The following DCAF4 variants were observed in gnomAD, a reference collection of about 807,000 sequenced individuals.
DCAF4 encodes DDB1 and CUL4 associated factor 4, also known as DDB1- and CUL4-associated factor 4.
A neutral mutation model predicts 60.9 loss-of-function variants in DCAF4; 37 were observed. The observed-to-expected ratio is 0.61, with a 90% CI of 0.47 to 0.80. DCAF4 has a LOEUF of 0.80. DCAF4 is among the 30% of genes least tolerant of loss of function. DCAF4 has a pLI of 0.00. For missense variants in DCAF4, 577 were observed against 650.0 expected (o/e 0.89, Z 1.22); for synonymous variants, 243 against 254.8 (o/e 0.95, Z 0.44).
intron 4 of DCAF4, among the ~76,000 whole-genome samples, chr14:72,940,970 T>TA (rs1555524492): frequency 4.7e-5 from 1 of 21,224 alleles, no homozygotes; most frequent in East Asian, 3.2e-3. Context: ...AACTGTTTTT[T>TA]GGGGTTTTTT....
intron 2 of DCAF4, 29 bp from the exon 3 acceptor site, chr14:72,939,773 T>G: frequency 1.9e-6 from 3 of 1,585,824 alleles, no homozygotes; most frequent in Non-Finnish European, 2.6e-6. Context: ...AGTCCTGGGC[T>G]GCAAGTTAAC....
rs1888314884 is a variant in DCAF4 at position 72,929,941 on chromosome 14, C to A, written c.-9+3398C>A. 21 of 985,610 alleles carry A rather than the reference C, an allele frequency of 2.1e-5. No homozygotes were observed. In the South Asian group the frequency reaches 2.7e-4, roughly 13 times the overall value. The allele number at this position is 985,610 out of a possible 1,614,324, so 61.1% of individuals were successfully genotyped here. ...GTAGCGCAGAGCCATGGCTGCTGCT[C>A]TCCATGGCGGCCGTGGCGGAAGGCC... On this transcript the variant is annotated intron_variant, in intron 1 of 13. Transcript: ENST00000358377.
At chr14:72,940,878 A>G (rs1889958011) in intron 4 of DCAF4, among the ~76,000 whole-genome samples, 1 of 152,008 alleles carries the variant, frequency 6.6e-6, no homozygotes, top group South Asian at 2.1e-4. Flanking sequence ...GGCGTGAGCC[A>G]CCACACCCAG....
At chr14:72,929,552 T>C in intron 1 of DCAF4, 1 of 844,542 alleles carries the variant, frequency 1.2e-6, no homozygotes, top group Non-Finnish European at 1.9e-6. Context: ...TATTTTTTAT[T>C]TTTATTTTAT....
chr14:72,943,246 C>T, intron 6 of DCAF4, 150 bp downstream of exon 6: 1 of 700,982 alleles, frequency 1.4e-6, no homozygotes, highest in Admixed American at 2.8e-5. Flanking sequence ...TTTTAACCTG[C>T]CTGCTGGCTA....
chr14:72,937,720 A>T (rs1014159404), intron 1 of DCAF4, among the ~76,000 whole-genome samples: 2 of 151,860 alleles, frequency 1.3e-5, no homozygotes, highest in African/African-American at 4.8e-5. Context: ...CGCCTGGCCG[A>T]CCTGGCAACG....
chr14:72,943,119 C>T (rs779252697), intron 6 of DCAF4, 23 bp downstream of exon 6: 59 of 1,604,192 alleles, frequency 3.7e-5, no homozygotes, highest in Non-Finnish European at 5.0e-5. Context: ...GGGACACCTG[C>T]CTAGGGTGTG....
At position 72,928,318 on chromosome 14, in the gene DCAF4, CGAGTAGCTGA is replaced by C. The variant is rs1416046635; in HGVS notation, c.-9+1778_-9+1787del. 8.6e-5 allele frequency among the ~76,000 whole-genome samples: 13 copies of C among 151,270 alleles called. No individual in the cohort carries two copies. The East Asian group carries it at 2.5e-3, about 29-fold the overall frequency. ...AAGGGATTCTCCTGCTTCAGCCTCC[CGAGTAGCTGA>C]GACTACGGGCGCACGCCACCGCGCC... On this transcript the variant is annotated intron_variant, in intron 1 of 13. Coordinates refer to ENST00000358377, the MANE Select transcript of DCAF4 (RefSeq NM_015604.4).
rs11288108 is a variant in DCAF4, at chr14:72,937,410, C to CTTTTT, written c.-8-545_-8-541dup. ...TTTCATGCCTGGCAATTTTTCTTTT[C>CTTTTT]TTTTTTTTTTTTTTTTTTTTGAGAT... On this transcript the variant is annotated intron_variant, in intron 1 of 13. Coordinates refer to ENST00000358377, the MANE Select transcript of DCAF4 (RefSeq NM_015604.4). Among the ~76,000 whole-genome samples the CTTTTT allele has an allele frequency of 1.6e-3, 171 of 105,706 alleles. 1 individual carries two copies. The highest frequency in any genetic ancestry group is 2.7e-3 in the African/African-American group (76 of 27,822). The allele number at this position is 105,706 out of a possible 152,430, so 69.3% of individuals were successfully genotyped here.
At chr14:72,953,726 A>ATATAT (rs1256128158) in intron 9 of DCAF4, among the ~76,000 whole-genome samples, 4 of 45,848 alleles carry the variant, frequency 8.7e-5, no homozygotes, top group African/African-American at 2.2e-4. Context: ...AAAAAAAAAA[A>ATATAT]AAAAAAATAT....
intron 5 of DCAF4, 120 bp from the exon 6 acceptor site, chr14:72,942,874 C>G: frequency 1.2e-6 from 1 of 813,866 alleles, no homozygotes; most frequent in Non-Finnish European, 2.0e-6. Context: ...CTGAGAAGTA[C>G]TGTGGAGCAG....
chr14:72,947,368 G>A (rs562050081), intron 8 of DCAF4, among the ~76,000 whole-genome samples, 177 bp downstream of exon 8: 4 of 152,356 alleles, frequency 2.6e-5, no homozygotes, highest in African/African-American at 7.2e-5. Flanking sequence ...AAGGATGCCC[G>A]TGGAGCACAG....
At chr14:72,953,710 A>T (rs1224925217) in intron 9 of DCAF4, among the ~76,000 whole-genome samples, 2 of 6,954 alleles carry the variant, frequency 2.9e-4, no homozygotes, top group Non-Finnish European at 4.5e-4. Flanking sequence ...ACCCTGTCTT[A>T]AAAAAAAAAA....
chr14:72,929,812 A>G (rs1226165391), intron 1 of DCAF4: 6 of 1,182,890 alleles, frequency 5.1e-6, no homozygotes, highest in African/African-American at 4.5e-5. Context: ...ATGTCCCGCT[A>G]CAAACTTGGT....
At chr14:72,941,278 T>C (rs763501274) in intron 4 of DCAF4, among the ~76,000 whole-genome samples, 10 of 152,218 alleles carry the variant, frequency 6.6e-5, no homozygotes, top group Non-Finnish European at 1.5e-4. Context: ...CTGTCTATTT[T>C]AAATAGAAGA....
Position 72,929,705 on chromosome 14 carries a change from T to G in DCAF4, c.-9+3162T>G, listed in dbSNP as rs1888265728. 7.1e-6 allele frequency: 9 copies of G among 1,268,184 alleles called. No individual in the cohort carries two copies. In the South Asian group the frequency reaches 1.1e-4, roughly 15 times the overall value. The allele number at this position is 1,268,184 out of a possible 1,614,324, so 78.6% of individuals were successfully genotyped here. A position where few individuals can be genotyped will look rare whatever the true frequency, so the allele number is the denominator to read the frequency against. Reference sequence around the variant, plus strand: ...TGGCACGGATGTGCGTCCCCACCCTTTTCTTGATGAACTTGAGGGCCCATT... The same window carrying G: ...TGGCACGGATGTGCGTCCCCACCCTGTTCTTGATGAACTTGAGGGCCCATT... On this transcript the variant is annotated intron_variant, in intron 1 of 13. Coordinates refer to ENST00000358377, the MANE Select transcript of DCAF4 (RefSeq NM_015604.4).
At chr14:72,959,890 CAG>C (rs1170414047), downstream of DCAF4, among the ~76,000 whole-genome samples, 1 of 152,232 alleles carries the variant, frequency 6.6e-6, no homozygotes, top group East Asian at 1.9e-4. Flanking sequence ...CAGTAGAACA[CAG>C]AGGGCAAGAG....
chr14:72,940,128 C>A, intron 3 of DCAF4, 92 bp from the exon 4 acceptor site: 1 of 1,516,046 alleles, frequency 6.6e-7, no homozygotes, highest in Non-Finnish European at 9.1e-7. Flanking sequence ...AGACAGGCAG[C>A]CACGAGGTGG....
Position 72,954,107 on chromosome 14 carries a change from G to A in DCAF4, c.809-57G>A. Reference sequence around the variant, plus strand: ...TATTTGGATGTTTTCCGAACCCAGTGGTCCCTGGCCTGCCTAGAAGGCAGC... The same window carrying A: ...TATTTGGATGTTTTCCGAACCCAGTAGTCCCTGGCCTGCCTAGAAGGCAGC... On this transcript the variant is annotated intron_variant, in intron 9 of 13. Transcript: ENST00000358377. 1.9e-6 allele frequency: 3 copies of A among 1,582,264 alleles called. No individual in the cohort carries two copies. The South Asian group carries it at 3.3e-5, about 18-fold the overall frequency.
Sources: allele counts gnomAD v4.1 joint callset (sites outside exome capture counted in the v4.1 genomes callset), GRCh38; gene constraint gnomAD v4.1.1; transcripts MANE v1.5; gene names NCBI Gene and HGNC (gene_info 2026-07-23, HGNC 2026-07-21).